The following ADGRD1 variants were observed in gnomAD, a reference collection of about 807,000 sequenced individuals.
The protein encoded by ADGRD1 is adhesion G protein-coupled receptor D1, also known as G-protein coupled receptor 133.
Under a neutral mutation model 113.4 loss-of-function variants are expected in ADGRD1, and 77 were observed. That is an observed-to-expected ratio of 0.68 (90% confidence interval 0.57 to 0.82). The LOEUF (loss-of-function observed/expected upper bound fraction) is 0.82. ADGRD1 is among the 40% of genes least tolerant of loss of function. The pLI is 0.00. For synonymous variants in ADGRD1, 474 were observed against 475.0 expected (o/e 1.00, Z 0.03); for missense variants, 1,036 against 1,139.1 (o/e 0.91, Z 1.30).
At chr12:131,087,373 G>A (rs1207900937) in intron 15 of ADGRD1, among the ~76,000 whole-genome samples, 1 of 152,160 alleles carries the variant, frequency 6.6e-6, no homozygotes, top group Non-Finnish European at 1.5e-5. Flanking sequence ...CTGGACCCAG[G>A]AGCCCTTGGC....
chr12:131,004,392 G>GCTGCGGTGCTACCCCGGGCCGC, intron 11 of ADGRD1, 96 bp downstream of exon 11: 1 of 790,718 alleles, frequency 1.3e-6, no homozygotes, highest in Admixed American at 2.1e-5. Flanking sequence ...GCGCCAGGGA[G>GCTGCGGTGCTACCCCGGGCCGC]CTGCGGTGCT....
chr12:131,067,274 G>A (rs1566079301), intron 13 of ADGRD1, among the ~76,000 whole-genome samples: 1 of 152,208 alleles, frequency 6.6e-6, no homozygotes, highest in East Asian at 1.9e-4. Context: ...TGGTAGAGCT[G>A]GAGCTAGAAT....
chr12:131,054,346 A>G (rs565780192), intron 13 of ADGRD1, among the ~76,000 whole-genome samples: 25 of 152,238 alleles, frequency 1.6e-4, no homozygotes, highest in African/African-American at 5.5e-4. Context: ...CCATAGATTA[A>G]TCTGCATTTT....
Position 130,966,358 on chromosome 12 carries a change from G to A in ADGRD1, c.104-105G>A. On this transcript the variant is annotated intron_variant, in intron 2 of 24. Coordinates refer to ENST00000261654, the MANE Select transcript of ADGRD1 (RefSeq NM_198827.5). This position sits in a 1 kb window ranked among gnomAD's most constrained non-coding sequence, Gnocchi z 4.6. ...GCTTTCAGTATCTCCCACAGACATGGGATCCTTTTACTCTTCCCCCATAAT... is the reference window on the plus strand; with the variant it reads ...GCTTTCAGTATCTCCCACAGACATGAGATCCTTTTACTCTTCCCCCATAAT... The A allele has an allele frequency of 1.4e-6, 1 of 711,088 alleles. No homozygotes were observed. The highest frequency in any genetic ancestry group is 2.6e-6 in the Non-Finnish European group (1 of 391,036). The allele number at this position is 711,088 out of a possible 1,614,324, so 44.0% of individuals were successfully genotyped here.
Position 131,139,216 on chromosome 12 carries a change from G to A in ADGRD1, c.2578G>A (p.Asp860Asn). ...GGCCTCCACCAAGCTCAGCCCTTGG[G>A]ACAAGAGCAGCCACTCTGCCCACCG... is the stretch of plus-strand genomic sequence containing the variant. ...GMASTKLSPW[D>N]KSSHSAHRVD... The change falls in exon 25 of 25, where the codon GAC becomes AAC. Residue 860 changes from aspartate (D) to asparagine (N), a missense_variant. Asp to Asn is a conservative substitution (Grantham distance 23). Transcript: ENST00000261654. 1 of 1,612,740 alleles carries A rather than the reference G, an allele frequency of 6.2e-7. No homozygotes were observed. The highest frequency in any genetic ancestry group is 1.7e-5 in the Admixed American group (1 of 60,000).
chr12:131,099,699 T>A (rs955312999), intron 15 of ADGRD1, among the ~76,000 whole-genome samples: 1 of 152,202 alleles, frequency 6.6e-6, no homozygotes, highest in African/African-American at 2.4e-5. Flanking sequence ...GTCATTTTGA[T>A]CATCTATCAT....
intron 2 of ADGRD1, among the ~76,000 whole-genome samples, chr12:130,961,920 G>A (rs181557445): frequency 9.0e-4 from 137 of 152,304 alleles, no homozygotes; most frequent in African/African-American, 3.0e-3. Flanking sequence ...TGCTTCGTTC[G>A]GCATCAGGAG....
At chr12:131,126,658 G>A (rs1263155842) in intron 20 of ADGRD1, among the ~76,000 whole-genome samples, 1 of 152,194 alleles carries the variant, frequency 6.6e-6, no homozygotes, top group Non-Finnish European at 1.5e-5. Flanking sequence ...AGATCACCGT[G>A]ATCTTGGCCT....
chr12:131,108,735 A>T lies in ADGRD1; in HGVS notation c.1899A>T (p.Gln633His). 1.2e-6 allele frequency: 2 copies of T among 1,614,088 alleles called. No individual in the cohort carries two copies. The highest frequency in any genetic ancestry group is 1.7e-6 in the Non-Finnish European group (2 of 1,180,004). ...FRLEPGTTPC[Q>H]VMAVLLHYFF... The stretch of plus-strand genomic sequence containing the variant: ...TGGTTAAATCCTAGACCCCCTGCCA[A>T]GTGATGGCCGTGCTCCTACACTACT... Residue 633 changes from glutamine to histidine, a missense_variant, in exon 18 of 25, where the codon CAA becomes CAT. Gln to His is a conservative substitution (Grantham distance 24). Transcript: ENST00000261654.
At chr12:131,083,021 G>T (rs986307092) in intron 14 of ADGRD1, among the ~76,000 whole-genome samples, 5 of 152,234 alleles carry the variant, frequency 3.3e-5, no homozygotes, top group African/African-American at 1.2e-4. Flanking sequence ...CGAGGCTGCT[G>T]GTGCGTGTTC....
intron 13 of ADGRD1, among the ~76,000 whole-genome samples, chr12:131,048,628 ATTTC>A (rs1883080936): frequency 6.6e-6 from 1 of 152,206 alleles, no homozygotes; most frequent in Admixed American, 6.5e-5. Context: ...CAGATCAGTA[ATTTC>A]TTCCACAATG....
intron 13 of ADGRD1, among the ~76,000 whole-genome samples, chr12:131,043,998 C>G (rs1307632167): frequency 6.6e-6 from 1 of 152,160 alleles, no homozygotes; most frequent in African/African-American, 2.4e-5. Context: ...TTCCCTGGTT[C>G]TACCAGGCGT....
intron 15 of ADGRD1, among the ~76,000 whole-genome samples, chr12:131,100,541 G>C (rs776918223): frequency 2.1e-4 from 32 of 151,976 alleles, no homozygotes; most frequent in Admixed American, 3.3e-4. Context: ...TTGATGGTAG[G>C]CTTGGTTAAT....
chr12:131,127,747 G>A (rs7311436), intron 20 of ADGRD1, among the ~76,000 whole-genome samples: 82,602 of 102,594 alleles, frequency 0.81, 34,420 homozygotes, highest in Middle Eastern at 0.94. Context: ...GTTGGTTGTG[G>A]TGGGATTCTG....
chr12:130,988,092 C>T (rs907994624), intron 6 of ADGRD1: 6 of 152,308 alleles, frequency 3.9e-5, no homozygotes, highest in African/African-American at 7.2e-5. Context: ...AAATGTGTAA[C>T]GTATAACCTT....
At chr12:131,076,721 G>A in intron 13 of ADGRD1, 80 bp from the exon 14 acceptor site, 1 of 1,218,216 alleles carries the variant, frequency 8.2e-7, no homozygotes, top group Non-Finnish European at 1.2e-6. Context: ...AGCTGTAAGG[G>A]TCTCGCTCTC....
intron 24 of ADGRD1, 138 bp downstream of exon 24, chr12:131,138,367 GCTGCA>G: frequency 1.5e-6 from 1 of 683,112 alleles, no homozygotes; most frequent in East Asian, 2.7e-5. Context: ...ATGCCTGCAG[GCTGCA>G]CGTGCTCTGG....
intron 20 of ADGRD1, among the ~76,000 whole-genome samples, chr12:131,126,751 AGTT>A (rs1950745521): frequency 6.6e-6 from 1 of 152,030 alleles, no homozygotes; most frequent in Non-Finnish European, 1.5e-5. Context: ...GAGGCCTGTG[AGTT>A]GTTTCTTTGA....
intron 13 of ADGRD1, among the ~76,000 whole-genome samples, chr12:131,065,363 A>G (rs1346601007): frequency 2.6e-5 from 4 of 152,210 alleles, no homozygotes; most frequent in Non-Finnish European, 5.9e-5. Context: ...GCAAACCATC[A>G]TGAGAACGCT....
Sources: allele counts gnomAD v4.1 joint callset (sites outside exome capture counted in the v4.1 genomes callset), GRCh38; gene constraint gnomAD v4.1.1; non-coding constraint Gnocchi (gnomAD v3.1); transcripts MANE v1.5; gene names NCBI Gene and HGNC (gene_info 2026-07-23, HGNC 2026-07-21).